SLC16A14: variants seen among roughly 807,000 people sequenced by gnomAD.
SLC16A14 encodes solute carrier family 16 member 14.
SLC16A14 carries 14 observed loss-of-function variants against 35.8 expected under a neutral mutation model. The ratio of observed to expected loss-of-function variants is 0.39; its 90% CI spans 0.26 to 0.61. SLC16A14 has a LOEUF of 0.61. Among genes scored for constraint, SLC16A14 ranks in the 20% least tolerant of loss-of-function variants. The pLI, the probability that SLC16A14 is intolerant of heterozygous loss-of-function variation, is 0.51. For missense variants in SLC16A14, 533 were observed against 655.0 expected, an observed-to-expected ratio of 0.81 and a Z score of 2.03; for synonymous variants, 248 against 258.9, an observed-to-expected ratio of 0.96 and a Z score of 0.40.
intron 4 of SLC16A14, 70 bp from the exon 5 acceptor site, chr2:230,037,601 G>A: frequency 8.1e-7 from 1 of 1,228,704 alleles, no homozygotes; most frequent in Non-Finnish European, 1.1e-6. Flanking sequence ...CATGAAGCAG[G>A]CATTTATTGC....
intron 2 of SLC16A14, among the ~76,000 whole-genome samples, chr2:230,052,227 G>A (rs902148918): frequency 3.3e-5 from 5 of 152,056 alleles, no homozygotes; most frequent in African/African-American, 9.7e-5. Context: ...GAGCCACCGC[G>A]CCCGGCCTAA....
intron 2 of SLC16A14, among the ~76,000 whole-genome samples, chr2:230,054,444 T>C (rs2077688663): frequency 1.3e-5 from 2 of 152,210 alleles, no homozygotes; most frequent in Admixed American, 1.3e-4. Context: ...GTAAAAGTGC[T>C]GATTTACTGA....
At chr2:230,064,215 T>C (rs2077773308) in intron 1 of SLC16A14, among the ~76,000 whole-genome samples, 1 of 152,140 alleles carries the variant, frequency 6.6e-6, no homozygotes, top group African/African-American at 2.4e-5. Context: ...AGTGGCTGAC[T>C]TGTAAAAGAG....
intron 4 of SLC16A14, among the ~76,000 whole-genome samples, chr2:230,039,109 ATC>A (rs1309237378): frequency 1.3e-5 from 2 of 151,694 alleles, no homozygotes; most frequent in African/African-American, 4.8e-5. Flanking sequence ...TGTTATCTGT[ATC>A]TCTTTGTTTA....
intron 1 of SLC16A14, 142 bp from the exon 2 acceptor site, chr2:230,059,508 C>A (rs1434080320): frequency 3.1e-6 from 2 of 639,888 alleles, no homozygotes; most frequent in East Asian, 2.9e-5. Flanking sequence ...TGTCACCATA[C>A]AGATTTGAAA....
At chr2:230,041,051 C>A (rs1181526850) in intron 4 of SLC16A14, among the ~76,000 whole-genome samples, 1 of 152,220 alleles carries the variant, frequency 6.6e-6, no homozygotes, top group Admixed American at 6.5e-5. Flanking sequence ...CATCCAAGCA[C>A]CAATTCAAAC....
At chr2:230,067,512 A>C (rs1319120818) in intron 1 of SLC16A14, among the ~76,000 whole-genome samples, 12 of 139,608 alleles carry the variant, frequency 8.6e-5, no homozygotes, top group African/African-American at 2.7e-4. Flanking sequence ...TCCCACCCCC[A>C]ACACTGCCTC....
chr2:230,036,891 T>C lies in SLC16A14; in HGVS notation c.*489A>G, dbSNP rs1560468166. The C allele has an allele frequency of 6.6e-6, 1 of 152,056 alleles. No homozygotes were observed. The highest frequency in any genetic ancestry group is 1.9e-4 in the East Asian group (1 of 5,196). The allele number at this position is 152,056 out of a possible 1,614,324, so 9.4% of individuals were successfully genotyped here. A position where few individuals can be genotyped will look rare whatever the true frequency, so the allele number is the denominator to read the frequency against. On this transcript the variant is annotated 3_prime_UTR_variant, in exon 5 of 5. Transcript: ENST00000295190. ...AGAGCTTGCCTTTGTTTGATGCTAGTAGATCAATAGCTCCCTGTAATAATT... is the reference window on the plus strand; with the variant it reads ...AGAGCTTGCCTTTGTTTGATGCTAGCAGATCAATAGCTCCCTGTAATAATT...
chr2:230,043,297 T>C (rs559438419), intron 4 of SLC16A14, among the ~76,000 whole-genome samples: 6 of 152,334 alleles, frequency 3.9e-5, no homozygotes, highest in Non-Finnish European at 8.8e-5. Context: ...ACTGCTGGTG[T>C]TGTCCGCTGT....
Position 230,035,160 on chromosome 2 carries a change from C to T in SLC16A14, c.*2220G>A, listed in dbSNP as rs181954834. 1 of 152,340 alleles carries T rather than the reference C, an allele frequency of 6.6e-6. No homozygotes were observed. Among genetic ancestry groups the T allele is most frequent in the African/African-American group, 2.4e-5 (1 of 41,562 alleles). 9.4% of individuals were successfully genotyped at this position (152,340 alleles called of 1,614,324 possible). ...TAATTCTTTACAGTATTCTCTTTTA[C>T]TCTGTTGTCAACATGAATACTGCAA... On this transcript the variant is annotated 3_prime_UTR_variant, in exon 5 of 5. Transcript: ENST00000295190.
Position 230,046,006 on chromosome 2 carries a change from C to G in SLC16A14, c.1120G>C (p.Ala374Pro). The change falls in exon 4 of 5, where the codon GCC becomes CCC. Residue 374 changes from alanine (A) to proline (P), a missense_variant. Transcript: ENST00000295190. This position sits in a 1 kb window ranked among gnomAD's most constrained non-coding sequence, Gnocchi z 5.0. ...IFGKVILGVI[A>P]DLPCISVWNV... is the part of the protein sequence containing the mutation. ...CAAACACTAATGCAAGGCAAGTCGG[C>G]TATGACGCCCAGGATCACTTTTCCA... 1 of 1,613,970 alleles carries G rather than the reference C, an allele frequency of 6.2e-7. No individual in the cohort carries two copies. The highest frequency in any genetic ancestry group is 8.5e-7 in the Non-Finnish European group (1 of 1,179,832).
intron 1 of SLC16A14, among the ~76,000 whole-genome samples, chr2:230,060,318 G>A (rs989137351): frequency 2.6e-5 from 4 of 152,110 alleles, no homozygotes; most frequent in Non-Finnish European, 4.4e-5. Flanking sequence ...GAGGCTAGAT[G>A]GAGCTAGAGG....
intron 1 of SLC16A14, among the ~76,000 whole-genome samples, chr2:230,060,002 T>C (rs1030063612): frequency 1.1e-4 from 17 of 152,214 alleles, no homozygotes; most frequent in African/African-American, 4.1e-4. Flanking sequence ...TGTCTCATTA[T>C]ACAAGACTCA....
rs1022954235 is a variant in SLC16A14 at position 230,046,868 on chromosome 2, A to G, written c.404-146T>C. 7.8e-6 allele frequency: 8 copies of G among 1,023,292 alleles called. No individual in the cohort carries two copies. The highest frequency in any genetic ancestry group is 1.6e-5 in the African/African-American group (1 of 61,492). 63.4% of individuals were successfully genotyped at this position (1,023,292 alleles called of 1,614,324 possible). ...ACAAAGCAATAACACTGATTATTTA[A>G]AAAGCAGCTCCCAGGGATAAGCAGC... On this transcript the variant is annotated intron_variant, in intron 3 of 4. Transcript: ENST00000295190. This position sits in a 1 kb window ranked among gnomAD's most constrained non-coding sequence, Gnocchi z 5.0.
At chr2:230,045,663 C>G (rs1560472678) in intron 4 of SLC16A14, 82 bp downstream of exon 4, 2 of 1,479,202 alleles carry the variant, frequency 1.4e-6, no homozygotes, top group African/African-American at 2.8e-5. Context: ...CAAATGGAAA[C>G]CTTCTTCTTT....
rs1217392511 is a variant in SLC16A14 at position 230,036,862 on chromosome 2, A to C, written c.*518T>G. On this transcript the variant is annotated 3_prime_UTR_variant, in exon 5 of 5. Coordinates refer to ENST00000295190, the MANE Select transcript of SLC16A14 (RefSeq NM_152527.5). Reference sequence around the variant, plus strand: ...TTGCACTAAATTGTATTACCTGTGGAATTAGAGCTTGCCTTTGTTTGATGC... The same window carrying C: ...TTGCACTAAATTGTATTACCTGTGGCATTAGAGCTTGCCTTTGTTTGATGC... 1.3e-5 allele frequency: 2 copies of C among 152,334 alleles called. No homozygotes were observed. The highest frequency in any genetic ancestry group is 1.3e-4 in the Admixed American group (2 of 15,296). 9.4% of individuals were successfully genotyped at this position (152,334 alleles called of 1,614,324 possible).
intron 1 of SLC16A14, among the ~76,000 whole-genome samples, chr2:230,060,521 A>ATG (rs1246617153): frequency 8.7e-5 from 10 of 114,338 alleles, no homozygotes; most frequent in African/African-American, 3.3e-4. Flanking sequence ...TTTCATATGT[A>ATG]TATATGTATG....
intron 4 of SLC16A14, among the ~76,000 whole-genome samples, chr2:230,041,252 T>C (rs1284934192): frequency 6.6e-6 from 1 of 152,234 alleles, no homozygotes; most frequent in African/African-American, 2.4e-5. Flanking sequence ...GGAATATTGG[T>C]CGGTCAAATC....
At chr2:230,044,740 G>GTGTGTGTGTGTGTGTGTGTGTA (rs2077589571) in intron 4 of SLC16A14, among the ~76,000 whole-genome samples, 1 of 143,372 alleles carries the variant, frequency 7.0e-6, no homozygotes, top group African/African-American at 2.7e-5. Flanking sequence ...GTGTGTGTAT[G>GTGTGTGTGTGTGTGTGTGTGTA]TGTGTGTGTG....
Sources: allele counts gnomAD v4.1 joint callset (sites outside exome capture counted in the v4.1 genomes callset), GRCh38; gene constraint gnomAD v4.1.1; non-coding constraint Gnocchi (gnomAD v3.1); transcripts MANE v1.5; gene names NCBI Gene and HGNC (gene_info 2026-07-23, HGNC 2026-07-21).